Variants in ANKUB1 observed in about 807,000 individuals in gnomAD.
ANKUB1 encodes ankyrin repeat and ubiquitin domain containing 1.
ANKUB1 carries 42 observed loss-of-function variants against 49.3 expected under a neutral mutation model. That is an observed-to-expected ratio of 0.85 (90% CI 0.67 to 1.10). The LOEUF (loss-of-function observed/expected upper bound fraction) is 1.10. Among genes scored for constraint, ANKUB1 ranks in the 50% least tolerant of loss-of-function variants. The pLI, the probability that ANKUB1 is intolerant of heterozygous loss-of-function variation, is 0.00. For missense variants in ANKUB1, 613 were observed against 642.0 expected, an observed-to-expected ratio of 0.95 and a Z score of 0.49; for synonymous variants, 222 against 231.0, an observed-to-expected ratio of 0.96 and a Z score of 0.35.
intron 2 of ANKUB1, among the ~76,000 whole-genome samples, chr3:149,786,366 G>T (rs1718101200): frequency 6.6e-6 from 1 of 152,174 alleles, no homozygotes; most frequent in Non-Finnish European, 1.5e-5. Flanking sequence ...TCTTTTGGCT[G>T]CATAAATGTC....
intron 3 of ANKUB1, among the ~76,000 whole-genome samples, chr3:149,776,558 A>G (rs1190774127): frequency 3.3e-5 from 5 of 152,202 alleles, no homozygotes; most frequent in Non-Finnish European, 7.4e-5. Context: ...AAAAAAAAGT[A>G]CTCTCTGAGT....
chr3:149,792,143 G>C (rs1718385016), intron 1 of ANKUB1, 134 bp downstream of exon 1: 1 of 492,790 alleles, frequency 2.0e-6, no homozygotes, highest in Non-Finnish European at 3.3e-6. Flanking sequence ...GCAAATAATA[G>C]TATTTTCAAA....
At chr3:149,768,682 C>G (rs1486401601) in intron 4 of ANKUB1, among the ~76,000 whole-genome samples, 1 of 152,170 alleles carries the variant, frequency 6.6e-6, no homozygotes, top group Non-Finnish European at 1.5e-5. Flanking sequence ...GTTGGGATTA[C>G]AGGTGCGAGC....
chr3:149,765,548 GCACA>G (rs59155543), intron 5 of ANKUB1, among the ~76,000 whole-genome samples: 4 of 147,622 alleles, frequency 2.7e-5, no homozygotes, highest in South Asian at 2.1e-4. Context: ...ACACACACAT[GCACA>G]CACACACACA....
intron 3 of ANKUB1, among the ~76,000 whole-genome samples, chr3:149,771,031 G>T (rs1425154721): frequency 6.6e-6 from 1 of 152,198 alleles, no homozygotes; most frequent in East Asian, 1.9e-4. Context: ...GGAACCTGTG[G>T]CAGGACAAAC....
chr3:149,765,810 C>T (rs1457655839), intron 5 of ANKUB1, among the ~76,000 whole-genome samples: 1 of 152,076 alleles, frequency 6.6e-6, no homozygotes, highest in South Asian at 2.1e-4. Context: ...TTTATACATT[C>T]TAGTCAGAGA....
At chr3:149,787,113 G>A (rs942592871) in intron 2 of ANKUB1, among the ~76,000 whole-genome samples, 4 of 152,170 alleles carry the variant, frequency 2.6e-5, no homozygotes, top group African/African-American at 7.2e-5. Flanking sequence ...TGTGAAGAAA[G>A]TCACTGGTAG....
chr3:149,774,930 C>T (rs993622851), intron 3 of ANKUB1, among the ~76,000 whole-genome samples: 5 of 152,148 alleles, frequency 3.3e-5, no homozygotes, highest in African/African-American at 1.2e-4. Context: ...ACAACTAAAA[C>T]CTATTACTGA....
intron 5 of ANKUB1, chr3:149,766,847 C>CAGCAGT: frequency 1.2e-6 from 1 of 852,710 alleles, no homozygotes; most frequent in Admixed American, 3.0e-5. Flanking sequence ...GCAGCAGCAG[C>CAGCAGT]AGCAGCAGCA....
intron 4 of ANKUB1, among the ~76,000 whole-genome samples, chr3:149,769,658 T>C (rs1717236782): frequency 6.6e-6 from 1 of 152,210 alleles, no homozygotes; most frequent in African/African-American, 2.4e-5. Context: ...TATTATAATG[T>C]ACTGTTGAAT....
At chr3:149,763,961 G>A in intron 5 of ANKUB1, 1 of 456,236 alleles carries the variant, frequency 2.2e-6, no homozygotes, top group Non-Finnish European at 4.4e-6. Context: ...GATGCCAGAT[G>A]ACTTGTCTGC....
chr3:149,769,198 C>T (rs1056442647), intron 4 of ANKUB1, among the ~76,000 whole-genome samples: 2 of 152,116 alleles, frequency 1.3e-5, no homozygotes, highest in Non-Finnish European at 2.9e-5. Flanking sequence ...TGAGGGGGCA[C>T]TTTTCTAAAG....
In ANKUB1 at chr3:149,785,617, TCC is replaced by T. The variant is rs1482466096; in HGVS notation, c.234+5162_234+5163del. On this transcript the variant is annotated intron_variant, in intron 2 of 5. Transcript: ENST00000446160. ...ATCCTTTTTTATGGCAGCATAGTAT[TCC>T]ATGGTGTATATGTGCCACATTTTCT... Among the ~76,000 whole-genome samples, 5 of 152,298 alleles carry T rather than the reference TCC, an allele frequency of 3.3e-5. No individual in the cohort carries two copies. In the East Asian group the frequency reaches 7.7e-4, roughly 23 times the overall value.
chr3:149,778,172 G>T (rs1717688770), intron 3 of ANKUB1, among the ~76,000 whole-genome samples: 1 of 152,110 alleles, frequency 6.6e-6, no homozygotes, highest in Non-Finnish European at 1.5e-5. Flanking sequence ...CAGGCCAAAT[G>T]GCCCTTCCTC....
Position 149,767,717 on chromosome 3 carries a change from T to C in ANKUB1, c.945A>G (p.Lys315=). The stretch of plus-strand genomic sequence containing the variant: ...GAGCTCTGAGGATCCATTGTTTTAT[T>C]TTAATATAAATCCTCATTGGGACTG... ...KISVPMRIYI[K]IKQWILRAQS... Residue 315 remains lysine, a synonymous_variant, in exon 5 of 6, where the codon AAA becomes AAG. Coordinates refer to ENST00000446160, the MANE Select transcript of ANKUB1 (RefSeq NM_001144960.3). The C allele has an allele frequency of 6.4e-7, 1 of 1,551,650 alleles. No homozygotes were observed. Among genetic ancestry groups the C allele is most frequent in the Non-Finnish European group, 8.7e-7 (1 of 1,146,986 alleles).
intron 2 of ANKUB1, among the ~76,000 whole-genome samples, chr3:149,789,107 T>C (rs1718242783): frequency 1.3e-5 from 2 of 152,040 alleles, no homozygotes; most frequent in South Asian, 2.1e-4. Flanking sequence ...TTTTGTTCCT[T>C]TTGAATTGAG....
rs1184434568 is a variant in ANKUB1, at chr3:149,792,284, A to C, written c.83T>G (p.Met28Arg). ...TGGGAACGAAGTACATACCTTTATCATCAGCTTGACAACCTCCACAGTTTC... is the reference window on the plus strand; with the variant it reads ...TGGGAACGAAGTACATACCTTTATCCTCAGCTTGACAACCTCCACAGTTTC... Reference protein sequence around the residue: ...ADETVEVVKLMIKDYFHIPLS... With the variant: ...ADETVEVVKLRIKDYFHIPLS... The change falls in exon 1 of 6, where the codon ATG becomes AGG. Residue 28 changes from methionine to arginine, a missense_variant. By Grantham distance (91) the Met-to-Arg change is moderately conservative. Transcript: ENST00000446160. The C allele has an allele frequency of 6.6e-7, 1 of 1,523,146 alleles. No homozygotes were observed. Among genetic ancestry groups the C allele is most frequent in the Admixed American group, 2.1e-5 (1 of 46,670 alleles). 94.4% of individuals were successfully genotyped at this position (1,523,146 alleles called of 1,614,324 possible).
intron 4 of ANKUB1, 54 bp downstream of exon 4, chr3:149,770,506 G>T: frequency 7.5e-7 from 1 of 1,328,174 alleles, no homozygotes; most frequent in Non-Finnish European, 1.1e-6. Context: ...TATGATGGAA[G>T]TTTAGTAAAA....
chr3:149,780,771 A>C (rs1717828062), intron 2 of ANKUB1, among the ~76,000 whole-genome samples: 1 of 152,246 alleles, frequency 6.6e-6, no homozygotes, highest in South Asian at 2.1e-4. Context: ...GTTAGTTTAG[A>C]AAACATTCCT....
Sources: gnomAD v4.1 joint callset for allele counts (sites outside exome capture counted in the v4.1 genomes callset) on GRCh38, gnomAD v4.1.1 for gene constraint, MANE v1.5 for transcripts, NCBI Gene and HGNC (gene_info 2026-07-23, HGNC 2026-07-21) for gene names.